NEK6: variants seen among roughly 807,000 people sequenced by gnomAD.
NEK6 encodes NIMA related kinase 6.
NEK6 carries 27 observed loss-of-function variants against 43.5 expected under a neutral mutation model. That is an observed-to-expected ratio of 0.62 (90% CI 0.46 to 0.86). The LOEUF (loss-of-function observed/expected upper bound fraction) is 0.86, where lower values mean the gene tolerates loss of function less well. NEK6 is among the 40% of genes least tolerant of loss of function. NEK6 has a pLI of 0.00. For missense variants in NEK6, 318 were observed against 414.4 expected (o/e 0.77, Z 2.02); for synonymous variants, 167 against 164.1 (o/e 1.02, Z -0.14).
intron 2 of NEK6, among the ~76,000 whole-genome samples, chr9:124,311,802 G>A (rs1833539220): frequency 6.6e-6 from 1 of 152,208 alleles, no homozygotes; most frequent in Admixed American, 6.5e-5. Context: ...CGATTCTCAT[G>A]CCTCAGCCTC....
chr9:124,270,669 G>T (rs982387390), intron 1 of NEK6, among the ~76,000 whole-genome samples: 3 of 152,202 alleles, frequency 2.0e-5, no homozygotes, highest in Admixed American at 1.3e-4. Flanking sequence ...GGGCACACCT[G>T]CCCCCGACCC....
chr9:124,309,612 C>T (rs899919084), intron 2 of NEK6, among the ~76,000 whole-genome samples: 1 of 152,226 alleles, frequency 6.6e-6, no homozygotes, highest in African/African-American at 2.4e-5. Flanking sequence ...ATTCATAACC[C>T]TTGCTTCATG....
rs184577678 is a variant in NEK6 at position 124,349,153 on chromosome 9, G to A, written c.831+1331G>A. Among the ~76,000 whole-genome samples the A allele has an allele frequency of 3.2e-3, 483 of 152,372 alleles. 1 individual carries two copies. Among genetic ancestry groups the A allele is most frequent in the Non-Finnish European group, 4.6e-3 (310 of 68,028 alleles). ...AGGGCTAGAGGAGCTCGAGTGTCGG[G>A]CGCTGCACAGTGCCCTTCCTCTCCT... On this transcript the variant is annotated intron_variant, in intron 9 of 9. Transcript: ENST00000320246.
chr9:124,339,671 T>C lies in NEK6; in HGVS notation c.717+6T>C. On this transcript the variant is annotated splice_donor_region_variant and intron_variant, in intron 8 of 9. Coordinates refer to ENST00000320246, the MANE Select transcript of NEK6 (RefSeq NM_014397.6). Reference sequence around the variant, plus strand: ...TGGGCTGTCTGCTGTACGAGGTGAGTCTCTGTCCGTGGCTCAGCAGCATTT... The same window carrying C: ...TGGGCTGTCTGCTGTACGAGGTGAGCCTCTGTCCGTGGCTCAGCAGCATTT... 1 of 1,601,772 alleles carries C rather than the reference T, an allele frequency of 6.2e-7. No homozygotes were observed. Among genetic ancestry groups the C allele is most frequent in the Non-Finnish European group, 8.6e-7 (1 of 1,168,734 alleles).
At position 124,317,480 on chromosome 9, in the gene NEK6, T is replaced by C. The variant is rs533805110; in HGVS notation, c.294+3495T>C. Among the ~76,000 whole-genome samples, 3 of 152,350 alleles carry C rather than the reference T, an allele frequency of 2.0e-5. No individual in the cohort carries two copies. In the East Asian group the frequency reaches 5.8e-4, roughly 29 times the overall value. On this transcript the variant is annotated intron_variant, in intron 4 of 9. Coordinates refer to ENST00000320246, the MANE Select transcript of NEK6 (RefSeq NM_014397.6). ...CACCCGCCTCGGCCTCCCAAAGTGCTGGCATTACAGACATGAGCCACCACG... is the reference window on the plus strand; with the variant it reads ...CACCCGCCTCGGCCTCCCAAAGTGCCGGCATTACAGACATGAGCCACCACG...
Position 124,327,452 on chromosome 9 carries a change from G to A in NEK6, c.622+7G>A. The stretch of plus-strand genomic sequence containing the variant: ...ACCGCAGCCCACTCCCTAGGTAAGG[G>A]GGACCTGTCTGTGCCCCAGCAGCCC... On this transcript the variant is annotated splice_region_variant and intron_variant, in intron 7 of 9. Coordinates refer to ENST00000320246, the MANE Select transcript of NEK6 (RefSeq NM_014397.6). 2 of 1,609,226 alleles carry A rather than the reference G, an allele frequency of 1.2e-6. No individual in the cohort carries two copies. The highest frequency in any genetic ancestry group is 2.2e-5 in the East Asian group (1 of 44,870).
rs1407961158 is a variant in NEK6 at position 124,326,384 on chromosome 9, G to A, written c.460G>A (p.Val154Met). 2 of 1,611,428 alleles carry A rather than the reference G, an allele frequency of 1.2e-6. No homozygotes were observed. The highest frequency in any genetic ancestry group is 1.7e-6 in the Non-Finnish European group (2 of 1,179,986). Residue 154 changes from valine (V) to methionine (M), a missense_variant, in exon 6 of 10, where the codon GTG becomes ATG. Val to Met is a conservative substitution (Grantham distance 21). Coordinates refer to ENST00000320246, the MANE Select transcript of NEK6 (RefSeq NM_014397.6). This position sits in a 1 kb window ranked among gnomAD's most constrained non-coding sequence, Gnocchi z 4.5. ...IPERTVWKYF[V>M]QLCSAVEHMH... ...GGAGAGGACAGTATGGAAGTACTTT[G>A]TGCAGCTGTGCAGCGCCGTGGAGCA... is the stretch of plus-strand genomic sequence containing the variant.
intron 1 of NEK6, among the ~76,000 whole-genome samples, chr9:124,274,197 G>A (rs901634336): frequency 2.0e-5 from 3 of 152,262 alleles, no homozygotes; most frequent in African/African-American, 7.2e-5. Context: ...GAGGACAGAG[G>A]CCGCAGGGCC....
intron 7 of NEK6, among the ~76,000 whole-genome samples, chr9:124,338,611 T>G (rs1829410121): frequency 6.6e-6 from 1 of 152,224 alleles, no homozygotes. Flanking sequence ...CCATCCTGTT[T>G]AAGAGATTTC....
intron 3 of NEK6, among the ~76,000 whole-genome samples, chr9:124,313,026 CGCCTG>C (rs1833616246): frequency 6.6e-6 from 1 of 152,156 alleles, no homozygotes; most frequent in Non-Finnish European, 1.5e-5. Context: ...CCCATCCTTG[CGCCTG>C]CGGTTGCTCC....
At chr9:124,335,670 C>T (rs1400994896) in intron 7 of NEK6, among the ~76,000 whole-genome samples, 2 of 152,248 alleles carry the variant, frequency 1.3e-5, no homozygotes, top group African/African-American at 2.4e-5. Context: ...AAGGCACCCA[C>T]TATGAGCCGT....
chr9:124,283,336 T>C (rs1020458886), intron 1 of NEK6, among the ~76,000 whole-genome samples: 2 of 152,228 alleles, frequency 1.3e-5, no homozygotes, highest in African/African-American at 4.8e-5. Flanking sequence ...GTGGGGCCTC[T>C]TGGGAAGGAG....
intron 1 of NEK6, among the ~76,000 whole-genome samples, chr9:124,301,363 A>G (rs546725343): frequency 6.6e-6 from 1 of 152,292 alleles, no homozygotes; most frequent in East Asian, 1.9e-4. Flanking sequence ...GTTCCTTTGC[A>G]CAGAGGTCTA....
At position 124,302,041 on chromosome 9, in the gene NEK6, C is replaced by T; in HGVS notation, c.77C>T (p.Pro26Leu). 1 of 1,603,300 alleles carries T rather than the reference C, an allele frequency of 6.2e-7. No individual in the cohort carries two copies. The highest frequency in any genetic ancestry group is 8.5e-7 in the Non-Finnish European group (1 of 1,174,492). ...TGCCACACCCTGGGGCCTGTGCATC[C>T]TCCTGACCCACAGGTAAGCCCCTTA... Reference protein sequence around the residue: ...NLCHTLGPVHPPDPQRHPNTL... With the variant: ...NLCHTLGPVHLPDPQRHPNTL... Residue 26 changes from proline (P) to leucine (L), a missense_variant, in exon 2 of 10, where the codon CCT becomes CTT. Around this residue, in one of 2 missense-constraint regions of NEK6, gnomAD observed 239 missense variants for 344.4 expected, o/e 0.69. Coordinates refer to ENST00000320246, the MANE Select transcript of NEK6 (RefSeq NM_014397.6).
intron 1 of NEK6, among the ~76,000 whole-genome samples, chr9:124,284,842 C>T (rs1832081756): frequency 6.6e-6 from 1 of 152,216 alleles, no homozygotes; most frequent in South Asian, 2.1e-4. Context: ...CACCAGTGTT[C>T]AAGCCCCTGC....
Position 124,313,916 on chromosome 9 carries a change from G to T in NEK6, c.232-7G>T, listed in dbSNP as rs745534808. 1 of 1,613,912 alleles carries T rather than the reference G, an allele frequency of 6.2e-7. No homozygotes were observed. The highest frequency in any genetic ancestry group is 1.3e-5 in the African/African-American group (1 of 74,916). On this transcript the variant is annotated splice_region_variant and splice_polypyrimidine_tract_variant and intron_variant, in intron 3 of 9. Transcript: ENST00000320246. The stretch of plus-strand genomic sequence containing the variant: ...CCACTCTATTTCTCTTTTTCCTCCC[G>T]CCCAAGATCTTTGAGATGATGGACG...
Position 124,326,295 on chromosome 9 carries a change from C to T in NEK6, c.406-35C>T, listed in dbSNP as rs541063691. The T allele has an allele frequency of 2.9e-5, 45 of 1,542,708 alleles. No individual in the cohort carries two copies. The highest frequency in any genetic ancestry group is 5.4e-5 in the African/African-American group (4 of 73,522). Reference sequence around the variant, plus strand: ...CCACCCACCTCCAAGCCCGCTCACCCGGGCCTATCCCTCTGCTTGTCTCCC... The same window carrying T: ...CCACCCACCTCCAAGCCCGCTCACCTGGGCCTATCCCTCTGCTTGTCTCCC... On this transcript the variant is annotated intron_variant, in intron 5 of 9. Coordinates refer to ENST00000320246, the MANE Select transcript of NEK6 (RefSeq NM_014397.6). This position sits in a 1 kb window ranked among gnomAD's most constrained non-coding sequence, Gnocchi z 4.5.
chr9:124,257,849 C>A (rs560066250), upstream of NEK6: 47 of 1,094,542 alleles, frequency 4.3e-5, 1 homozygote, highest in Middle Eastern at 3.6e-4. Flanking sequence ...GGGCGCCCCC[C>A]GCCCCTCAAG....
At chr9:124,270,946 T>C (rs1831412887) in intron 1 of NEK6, among the ~76,000 whole-genome samples, 1 of 152,244 alleles carries the variant, frequency 6.6e-6, no homozygotes, top group Admixed American at 6.5e-5. Context: ...GCCAGCCTGA[T>C]GGGAGGGGCC....
Sources: allele counts gnomAD v4.1 joint callset (sites outside exome capture counted in the v4.1 genomes callset), GRCh38; gene constraint gnomAD v4.1.1; regional missense constraint gnomAD v4.1.1; non-coding constraint Gnocchi (gnomAD v3.1); transcripts MANE v1.5; gene names NCBI Gene and HGNC (gene_info 2026-07-23, HGNC 2026-07-21).